MAX: variants seen among roughly 807,000 people sequenced by gnomAD.
The protein encoded by MAX is protein max.
In MAX, 3 loss-of-function variants were observed where a neutral mutation model predicts 22.3. The observed-to-expected ratio is 0.13, with a 90% CI of 0.06 to 0.35. The LOEUF (loss-of-function observed/expected upper bound fraction) is 0.35, where lower values mean the gene tolerates loss of function less well. Among genes scored for constraint, MAX ranks in the 10% least tolerant of loss-of-function variants. MAX has a pLI of 1.00. For missense variants in MAX, 119 were observed against 209.4 expected, an observed-to-expected ratio of 0.57 and a Z score of 2.66; for synonymous variants, 72 against 77.7, an observed-to-expected ratio of 0.93 and a Z score of 0.39.
At chr14:65,026,125 A>G (rs1176576852) in intron 3 of MAX, among the ~76,000 whole-genome samples, 1 of 152,238 alleles carries the variant, frequency 6.6e-6, no homozygotes, top group Non-Finnish European at 1.5e-5. Context: ...GAAAGCGCCC[A>G]GGAAAGAAGG....
chr14:65,037,694 G>A (rs1192881002), intron 3 of MAX, among the ~76,000 whole-genome samples: 1 of 147,538 alleles, frequency 6.8e-6, no homozygotes, highest in Admixed American at 6.8e-5. Context: ...CCAAGTGCTG[G>A]GATTACAGGT....
intron 3 of MAX, chr14:65,061,711 C>G (rs1566586016): frequency 5.4e-6 from 1 of 184,982 alleles, no homozygotes; most frequent in Non-Finnish European, 1.2e-5. Flanking sequence ...TGGGTGCCCT[C>G]CGATGGGTGG....
intron 3 of MAX, among the ~76,000 whole-genome samples, chr14:65,066,843 CAA>C (rs2062935208): frequency 1.0e-5 from 1 of 98,142 alleles, no homozygotes; most frequent in Non-Finnish European, 2.0e-5. Flanking sequence ...GCCTTGGCAA[CAA>C]GAGTGAAATT....
Position 65,007,625 on chromosome 14 carries a change from A to G in MAX, c.172-1341T>C, listed in dbSNP as rs559654287. ...TGGGACTGTCTACCTGGAGTGAGGT[A>G]GTCAGTCCCAAGGAGCTTTTTGACC... On this transcript the variant is annotated intron_variant, in intron 3 of 3. Transcript: ENST00000341653. This position sits in a 1 kb window ranked among gnomAD's most constrained non-coding sequence, Gnocchi z 4.9. Among the ~76,000 whole-genome samples the G allele has an allele frequency of 6.6e-6, 1 of 152,320 alleles. No homozygotes were observed. The highest frequency in any genetic ancestry group is 1.5e-5 in the Non-Finnish European group (1 of 68,026).
At chr14:65,080,991 G>A (rs922941407) in intron 3 of MAX, among the ~76,000 whole-genome samples, 2 of 152,214 alleles carry the variant, frequency 1.3e-5, no homozygotes, top group Non-Finnish European at 2.9e-5. Flanking sequence ...AGATCTGTGA[G>A]GGATGGCAGT....
At position 65,076,360 on chromosome 14, in the gene MAX, G is replaced by A. The variant is rs61987406; in HGVS notation, c.*116C>T. The stretch of plus-strand genomic sequence containing the variant: ...AAAATAAAAATTTAAAAAAAAAAGG[G>A]AGAAAGAGAAAAATAAAGAGTCTCT... On this transcript the variant is annotated 3_prime_UTR_variant, in exon 5 of 5. Transcript: ENST00000358664. The surrounding 1 kb of genome is among the most constrained non-coding windows in gnomAD (Gnocchi z 6.6). 6.4e-7 allele frequency: 1 copy of A among 1,559,690 alleles called. No individual in the cohort carries two copies. The highest frequency in any genetic ancestry group is 1.2e-5 in the South Asian group (1 of 82,596).
At chr14:65,101,619 T>G in intron 1 of MAX, 47 bp from the exon 2 acceptor site, 2 of 1,393,964 alleles carry the variant, frequency 1.4e-6, no homozygotes, top group Non-Finnish European at 2.0e-6. Flanking sequence ...GAAGTTATTT[T>G]TACACTTAAC....
At chr14:65,051,013 T>G (rs931895985) in intron 3 of MAX, among the ~76,000 whole-genome samples, 2 of 152,224 alleles carry the variant, frequency 1.3e-5, no homozygotes, top group Admixed American at 1.3e-4. Flanking sequence ...TCACTGTGCT[T>G]ACAGGTGAGG....
chr14:65,054,430 T>C lies in MAX; in HGVS notation c.171+39278A>G. 1.3e-6 allele frequency: 1 copy of C among 782,966 alleles called. No homozygotes were observed. Among genetic ancestry groups the C allele is most frequent in the Non-Finnish European group, 2.0e-6 (1 of 490,454 alleles). The allele number at this position is 782,966 out of a possible 1,614,324, so 48.5% of individuals were successfully genotyped here. On this transcript the variant is annotated intron_variant, in intron 3 of 3. Coordinates refer to the MAX transcript ENST00000341653. This position sits in a 1 kb window ranked among gnomAD's most constrained non-coding sequence, Gnocchi z 4.4. Reference sequence around the variant, plus strand: ...CAGCCAGTGGGGCTTTAAATAACACTGCTGGGAAAACCATGCCTCCTCTAG... The same window carrying C: ...CAGCCAGTGGGGCTTTAAATAACACCGCTGGGAAAACCATGCCTCCTCTAG...
chr14:65,102,401 G>A lies in MAX; in HGVS notation c.-62C>T, dbSNP rs2139979147. 1 of 1,588,712 alleles carries A rather than the reference G, an allele frequency of 6.3e-7. No individual in the cohort carries two copies. On this transcript the variant is annotated 5_prime_UTR_variant, in exon 1 of 5. Coordinates refer to ENST00000358664, the MANE Select transcript of MAX (RefSeq NM_002382.5). ...CGGGGAGGGGAAGGGGTGAAGGGGA[G>A]GGGGAAGTCACCGACAACAACAAGC...
In MAX at chr14:65,070,099, C is replaced by T. The variant is rs118130340; in HGVS notation, c.171+23609G>A. Among the ~76,000 whole-genome samples, 2,202 of 152,298 alleles carry T rather than the reference C, an allele frequency of 0.014. 27 individuals are homozygous for T. Among genetic ancestry groups the T allele is most frequent in the Admixed American group, 0.023 (350 of 15,286 alleles). On this transcript the variant is annotated intron_variant, in intron 3 of 3. Transcript: ENST00000341653. This position sits in a 1 kb window ranked among gnomAD's most constrained non-coding sequence, Gnocchi z 4.4. ...GGCTGCCAGGCTGCCAGCCGGATTC[C>T]GGATGAGTGACTGGGGGTGCATGCC... is the stretch of plus-strand genomic sequence containing the variant.
intron 3 of MAX, among the ~76,000 whole-genome samples, chr14:65,089,309 C>T (rs905422985): frequency 1.3e-5 from 2 of 152,136 alleles, no homozygotes; most frequent in African/African-American, 4.8e-5. Context: ...ATTCTCACCT[C>T]AAAATCAAGA....
chr14:65,015,829 G>T, intron 3 of MAX: 2 of 1,257,918 alleles, frequency 1.6e-6, no homozygotes, highest in Non-Finnish European at 2.2e-6. Context: ...GTGCCACAAA[G>T]AAATCTTTGC....
chr14:65,027,681 C>T lies in MAX; in HGVS notation c.172-21397G>A. 2 of 1,614,228 alleles carry T rather than the reference C, an allele frequency of 1.2e-6. No homozygotes were observed. Among genetic ancestry groups the T allele is most frequent in the Non-Finnish European group, 8.5e-7 (1 of 1,180,030 alleles). ...GCACTGACTGTTGCCTCTCCTACCT[C>T]TTTCCCTGTTTCTCAGAGAGAAGCT... On this transcript the variant is annotated intron_variant, in intron 3 of 3. Transcript: ENST00000341653. This position sits in a 1 kb window ranked among gnomAD's most constrained non-coding sequence, Gnocchi z 5.7.
At chr14:65,059,804 C>T (rs1367597461) in intron 3 of MAX, among the ~76,000 whole-genome samples, 2 of 149,980 alleles carry the variant, frequency 1.3e-5, no homozygotes, top group Admixed American at 1.3e-4. Context: ...GATCTGACAG[C>T]CTTACTACAT....
At chr14:65,100,536 T>C (rs2063801140) in intron 2 of MAX, among the ~76,000 whole-genome samples, 1 of 152,204 alleles carries the variant, frequency 6.6e-6, no homozygotes, top group African/African-American at 2.4e-5. Flanking sequence ...TGGAGTTCAG[T>C]AGTGCTGACT....
At chr14:65,050,424 C>T (rs1783033462) in intron 3 of MAX, among the ~76,000 whole-genome samples, 1 of 152,110 alleles carries the variant, frequency 6.6e-6, no homozygotes, top group Non-Finnish European at 1.5e-5. Flanking sequence ...AACCCTGTCT[C>T]TACTAAAAAT....
In MAX at chr14:65,029,326, A is replaced by G. The variant is rs1490329157; in HGVS notation, c.172-23042T>C. Among the ~76,000 whole-genome samples the G allele has an allele frequency of 6.6e-6, 1 of 152,198 alleles. No individual in the cohort carries two copies. Among genetic ancestry groups the G allele is most frequent in the Non-Finnish European group, 1.5e-5 (1 of 68,032 alleles). On this transcript the variant is annotated intron_variant, in intron 3 of 3. Transcript: ENST00000341653. The surrounding 1 kb of genome is among the most constrained non-coding windows in gnomAD (Gnocchi z 4.7). ...TGCCTGGAAGCATCAGCCAGTCCTC[A>G]GGAGTGCTTGTTTGGGTGGATTTGA...
At chr14:65,006,864 T>C (rs145805560) in intron 3 of MAX, among the ~76,000 whole-genome samples, 53 of 152,214 alleles carry the variant, frequency 3.5e-4, no homozygotes, top group African/African-American at 1.3e-3. Context: ...GAGGAAGCAG[T>C]TGTTTTTTGA....
Sources: allele counts gnomAD v4.1 joint callset (sites outside exome capture counted in the v4.1 genomes callset), GRCh38; gene constraint gnomAD v4.1.1; non-coding constraint Gnocchi (gnomAD v3.1); transcripts MANE v1.5; gene names NCBI Gene and HGNC (gene_info 2026-07-23, HGNC 2026-07-21).